SDK1: variants seen among roughly 807,000 people sequenced by gnomAD.
The protein encoded by SDK1 is sidekick cell adhesion molecule 1.
A neutral mutation model predicts 245.5 loss-of-function variants in SDK1; 157 were observed. The ratio of observed to expected loss-of-function variants is 0.64; its 90% CI spans 0.56 to 0.73. SDK1 has a LOEUF of 0.73. SDK1 is among the 30% of genes least tolerant of loss of function. SDK1 has a pLI of 0.00. For missense variants in SDK1, 3,583 were observed against 3,002.3 expected (o/e 1.19, Z -4.52); for synonymous variants, 1,647 against 1,278.5 (o/e 1.29, Z -6.15).
intron 35 of SDK1, among the ~76,000 whole-genome samples, chr7:4,198,832 G>C (rs1159955031): frequency 7.4e-6 from 1 of 135,892 alleles, no homozygotes; most frequent in Non-Finnish European, 1.6e-5. Flanking sequence ...TTTTTCCTTT[G>C]AGACAGAGTC....
intron 5 of SDK1, among the ~76,000 whole-genome samples, chr7:3,918,524 C>G (rs972136874): frequency 5.1e-4 from 77 of 152,216 alleles, no homozygotes; most frequent in African/African-American, 1.7e-3. Flanking sequence ...TGCAGGAAAA[C>G]AAGCTCAAGG....
intron 4 of SDK1, among the ~76,000 whole-genome samples, chr7:3,818,682 A>G (rs1252761356): frequency 6.6e-6 from 1 of 152,222 alleles, no homozygotes; most frequent in East Asian, 1.9e-4. Context: ...ATCTGAGCTC[A>G]TGAACCAGGA....
At chr7:4,015,479 CT>C (rs1303370184) in intron 16 of SDK1, among the ~76,000 whole-genome samples, 1 of 152,178 alleles carries the variant, frequency 6.6e-6, no homozygotes, top group Non-Finnish European at 1.5e-5. Flanking sequence ...AAGCGTTCAT[CT>C]TTTGTAGATG....
chr7:4,147,827 C>G (rs2128207361), intron 29 of SDK1, among the ~76,000 whole-genome samples: 1 of 152,276 alleles, frequency 6.6e-6, no homozygotes, highest in South Asian at 2.1e-4. Flanking sequence ...ACTTCTTTCT[C>G]TAATGTATTT....
chr7:3,533,486 T>C (rs943362969), intron 1 of SDK1, among the ~76,000 whole-genome samples: 1 of 152,228 alleles, frequency 6.6e-6, no homozygotes, highest in Non-Finnish European at 1.5e-5. Context: ...GGGCTTATGT[T>C]ATAGGCATTG....
chr7:3,403,869 A>AATATATATATTTATTTATATT (rs1778977188), intron 1 of SDK1, among the ~76,000 whole-genome samples: 7 of 88,896 alleles, frequency 7.9e-5, no homozygotes, highest in Non-Finnish European at 1.3e-4. Flanking sequence ...ATATATATAT[A>AATATATATATTTATTTATATT]ATATATATAT....
At chr7:4,219,957 G>A (rs1221718462) in intron 38 of SDK1, 152 bp from the exon 39 acceptor site, 1 of 777,398 alleles carries the variant, frequency 1.3e-6, no homozygotes, top group Admixed American at 3.3e-5. Flanking sequence ...GCTGAAAATT[G>A]GCTATTACCA....
chr7:3,839,776 T>C (rs1780112750), intron 5 of SDK1, among the ~76,000 whole-genome samples: 1 of 152,244 alleles, frequency 6.6e-6, no homozygotes, highest in Non-Finnish European at 1.5e-5. Flanking sequence ...GTTTGATTAA[T>C]TGTGAATAGC....
intron 44 of SDK1, among the ~76,000 whole-genome samples, chr7:4,260,934 T>G (rs1787964623): frequency 6.6e-6 from 1 of 152,212 alleles, no homozygotes; most frequent in African/African-American, 2.4e-5. Flanking sequence ...TCTGCAATTC[T>G]CCTAAATGCA....
chr7:3,862,504 G>C (rs1780718467), intron 5 of SDK1, among the ~76,000 whole-genome samples: 1 of 152,218 alleles, frequency 6.6e-6, no homozygotes, highest in Non-Finnish European at 1.5e-5. Context: ...AACTTTGTCA[G>C]ACTTTAATGT....
chr7:3,652,498 A>T (rs528155082), intron 4 of SDK1, among the ~76,000 whole-genome samples: 95 of 152,324 alleles, frequency 6.2e-4, no homozygotes, highest in Middle Eastern at 6.8e-3. Flanking sequence ...GCACGGATGC[A>T]TGTGGTTTGG....
chr7:3,357,937 A>G (rs372037968), intron 1 of SDK1, among the ~76,000 whole-genome samples: 5 of 152,314 alleles, frequency 3.3e-5, no homozygotes, highest in East Asian at 1.9e-4. Flanking sequence ...ATAGAGTAAC[A>G]TAAATGATGT....
intron 1 of SDK1, among the ~76,000 whole-genome samples, chr7:3,447,377 G>T (rs1379266403): frequency 2.0e-5 from 3 of 151,776 alleles, no homozygotes; most frequent in African/African-American, 7.3e-5. Flanking sequence ...AACATTGTAG[G>T]GTGTATCTCT....
At chr7:3,317,667 G>GAA (rs1779697648) in intron 1 of SDK1, among the ~76,000 whole-genome samples, 1 of 152,184 alleles carries the variant, frequency 6.6e-6, no homozygotes, top group Non-Finnish European at 1.5e-5. Context: ...GTTCACAGGA[G>GAA]CTGGTTTTTC....
intron 28 of SDK1, among the ~76,000 whole-genome samples, chr7:4,137,908 T>C (rs1779201682): frequency 6.6e-6 from 1 of 152,212 alleles, no homozygotes; most frequent in South Asian, 2.1e-4. Flanking sequence ...ACTCAGCTGC[T>C]CCTTTGTGCC....
intron 1 of SDK1, among the ~76,000 whole-genome samples, chr7:3,469,706 C>G (rs930594957): frequency 3.9e-5 from 6 of 152,156 alleles, no homozygotes; most frequent in South Asian, 4.1e-4. Flanking sequence ...TGCTTGAAGT[C>G]TGTTTTTCCT....
intron 44 of SDK1, among the ~76,000 whole-genome samples, chr7:4,253,937 C>T (rs1438876300): frequency 1.3e-5 from 2 of 151,998 alleles, no homozygotes; most frequent in Non-Finnish European, 2.9e-5. Context: ...AATGAATTTT[C>T]CAAATATATC....
intron 5 of SDK1, among the ~76,000 whole-genome samples, chr7:3,853,406 T>A (rs1378727016): frequency 2.0e-5 from 3 of 148,450 alleles, no homozygotes; most frequent in Non-Finnish European, 4.4e-5. Context: ...TTAAAATTAT[T>A]GTGTGTGTGT....
intron 20 of SDK1, among the ~76,000 whole-genome samples, chr7:4,069,325 A>G (rs550548378): frequency 6.6e-6 from 1 of 152,324 alleles, no homozygotes; most frequent in East Asian, 1.9e-4. Context: ...AACATTACCA[A>G]GGATTTCTAG....
Sources: allele counts gnomAD v4.1 joint callset (sites outside exome capture counted in the v4.1 genomes callset), GRCh38; gene constraint gnomAD v4.1.1; transcripts MANE v1.5; gene names NCBI Gene and HGNC (gene_info 2026-07-23, HGNC 2026-07-21).